MTF2: variants seen among roughly 807,000 people sequenced by gnomAD.
MTF2 encodes the protein metal-response element-binding transcription factor 2.
In MTF2, 11 loss-of-function variants were observed where a neutral mutation model predicts 79.5. The ratio of observed to expected loss-of-function variants is 0.14; its 90% CI spans 0.09 to 0.23. MTF2 has a LOEUF of 0.23. Ranked by LOEUF, MTF2 falls within the 10% of genes least tolerant of loss-of-function variation. The pLI, the probability that MTF2 is intolerant of heterozygous loss-of-function variation, is 1.00. For synonymous variants in MTF2, 208 were observed against 232.8 expected (o/e 0.89, Z 0.97); for missense variants, 486 against 711.2 (o/e 0.68, Z 3.60).
chr1:93,133,928 G>A lies in MTF2; in HGVS notation c.1267G>A (p.Asp423Asn), dbSNP rs554881537. 6.4e-7 allele frequency: 1 copy of A among 1,572,138 alleles called. No individual in the cohort carries two copies. Among genetic ancestry groups the A allele is most frequent in the South Asian group, 1.1e-5 (1 of 88,108 alleles). Residue 423 changes from aspartate to asparagine, a missense_variant and splice_region_variant, in exon 13 of 15, where the codon GAT (aspartate) becomes AAT (asparagine). By Grantham distance (23) the Asp-to-Asn change is conservative. This residue lies in a region of MTF2 where 209 missense variants were observed against 206.5 expected (regional missense o/e 1.01). Transcript: ENST00000370298. ...MIQKTAEPLLDKESISENPTL... is the reference protein window; with the variant it reads ...MIQKTAEPLLNKESISENPTL... ...TTAAGTATATATTTTTATTTTCCAG[G>A]ATAAGGAATCAATTTCAGAGAATCC... is the stretch of plus-strand genomic sequence containing the variant.
At chr1:93,123,582 C>T (rs908717488) in intron 9 of MTF2, among the ~76,000 whole-genome samples, 2 of 151,888 alleles carry the variant, frequency 1.3e-5, no homozygotes, top group Non-Finnish European at 2.9e-5. Flanking sequence ...TATTGCACAA[C>T]TAGGCAGTTA....
intron 1 of MTF2, among the ~76,000 whole-genome samples, chr1:93,097,653 A>G (rs1655351561): frequency 1.3e-5 from 2 of 152,066 alleles, no homozygotes; most frequent in South Asian, 4.2e-4. Flanking sequence ...GCAGGAGTGT[A>G]GCGGTGCGAT....
At chr1:93,130,306 A>G (rs953025532) in intron 11 of MTF2, among the ~76,000 whole-genome samples, 2 of 152,196 alleles carry the variant, frequency 1.3e-5, no homozygotes, top group African/African-American at 4.8e-5. Flanking sequence ...GGCCGGGTGC[A>G]CTGGCTCACA....
chr1:93,116,239 T>G (rs1401286594), intron 6 of MTF2, among the ~76,000 whole-genome samples: 2 of 151,478 alleles, frequency 1.3e-5, no homozygotes, highest in African/African-American at 4.8e-5. Context: ...AAAAAGTATT[T>G]TTTTTTTTGT....
rs1310836474 is a variant in MTF2, at chr1:93,135,545, A to AT, written c.1425-1119dup. ...ATTGTCTTATTTAATTCTTAAAACAATTTTTTGGCTGGGTGTGGTGGCTTA... is the reference window on the plus strand; with the variant it reads ...ATTGTCTTATTTAATTCTTAAAACAATTTTTTTGGCTGGGTGTGGTGGCTTA... On this transcript the variant is annotated intron_variant, in intron 14 of 14. Coordinates refer to ENST00000370298, the MANE Select transcript of MTF2 (RefSeq NM_007358.4). 2.0e-5 allele frequency among the ~76,000 whole-genome samples: 3 copies of AT among 152,194 alleles called. No homozygotes were observed. In the South Asian group the frequency reaches 6.2e-4, roughly 32 times the overall value.
chr1:93,103,783 A>G (rs902455904), intron 1 of MTF2, among the ~76,000 whole-genome samples: 3 of 152,242 alleles, frequency 2.0e-5, no homozygotes, highest in Non-Finnish European at 2.9e-5. Flanking sequence ...GGGAAACTGC[A>G]TAGAGGAAAA....
intron 1 of MTF2, among the ~76,000 whole-genome samples, chr1:93,091,547 A>G (rs933696563): frequency 6.6e-6 from 1 of 152,176 alleles, no homozygotes; most frequent in African/African-American, 2.4e-5. Flanking sequence ...AGAGATTCCT[A>G]TACTTACCTT....
Position 93,129,289 on chromosome 1 carries a change from G to A in MTF2, c.1001G>A (p.Gly334Glu). ...TTTTAAAAATTTAGGTTTATGTCTG[G>A]GAAAGAAATAAAGAAGAAGAAGCAT... is the stretch of plus-strand genomic sequence containing the variant. ...LNDYKTMFMSGKEIKKKKHLF... is the reference protein window; with the variant it reads ...LNDYKTMFMSEKEIKKKKHLF... The change falls in exon 11 of 15, where the codon GGG becomes GAG. Residue 334 changes from glycine (G) to glutamate (E), a missense_variant. Physicochemically the swap from Gly to Glu is moderately conservative, Grantham distance 98. This residue lies in a region of MTF2 where 177 missense variants were observed against 364.0 expected (regional missense o/e 0.49). Coordinates refer to ENST00000370298, the MANE Select transcript of MTF2 (RefSeq NM_007358.4). 1.9e-6 allele frequency: 3 copies of A among 1,561,394 alleles called. No individual in the cohort carries two copies. Among genetic ancestry groups the A allele is most frequent in the East Asian group, 2.3e-5 (1 of 44,184 alleles).
At chr1:93,080,169 A>G (rs550752317) in intron 1 of MTF2, among the ~76,000 whole-genome samples, 1 of 152,308 alleles carries the variant, frequency 6.6e-6, no homozygotes, top group Admixed American at 6.5e-5. Flanking sequence ...TTTGGAGCTC[A>G]CCAAAAATAT....
chr1:93,121,580 T>G, intron 9 of MTF2: 5 of 978,618 alleles, frequency 5.1e-6, no homozygotes, highest in Non-Finnish European at 6.1e-6. Context: ...TTTTTGGGGG[T>G]TTATGGGATA....
chr1:93,116,170 G>C (rs545152309), intron 6 of MTF2, among the ~76,000 whole-genome samples: 25 of 152,056 alleles, frequency 1.6e-4, no homozygotes, highest in Non-Finnish European at 3.4e-4. Flanking sequence ...TTATCCTCCT[G>C]TCTCAGCCTC....
At chr1:93,079,612 A>C in intron 1 of MTF2, 81 bp downstream of exon 1, 5 of 1,564,516 alleles carry the variant, frequency 3.2e-6, no homozygotes, top group Middle Eastern at 1.7e-4. Context: ...AGCAAGTATA[A>C]AAGGGAAAGA....
chr1:93,120,321 A>T, intron 8 of MTF2: 2 of 252,890 alleles, frequency 7.9e-6, no homozygotes, highest in Non-Finnish European at 7.3e-6. Flanking sequence ...AAAAAAAAAA[A>T]GAAGTAATTC....
At chr1:93,121,808 T>A (rs1656493830) in intron 9 of MTF2, 1 of 590,714 alleles carries the variant, frequency 1.7e-6, no homozygotes, top group Non-Finnish European at 2.0e-6. Flanking sequence ...TTTTTTTTTT[T>A]TTTTTTTTTT....
At chr1:93,103,086 C>T (rs978583901) in intron 1 of MTF2, among the ~76,000 whole-genome samples, 5 of 150,442 alleles carry the variant, frequency 3.3e-5, no homozygotes, top group African/African-American at 1.2e-4. Flanking sequence ...GAGCCAAGAT[C>T]GCACCACTGC....
intron 1 of MTF2, among the ~76,000 whole-genome samples, chr1:93,085,824 C>T (rs1256052107): frequency 6.6e-6 from 1 of 152,180 alleles, no homozygotes; most frequent in Non-Finnish European, 1.5e-5. Context: ...CTATGGGTCA[C>T]ACTGCAGAAC....
intron 9 of MTF2, chr1:93,121,623 A>G: frequency 1.0e-6 from 1 of 976,454 alleles, no homozygotes; most frequent in Non-Finnish European, 1.2e-6. Context: ...TTTAGTTTGT[A>G]GTTTTAAAAT....
chr1:93,101,345 A>G (rs1456039351), intron 1 of MTF2, among the ~76,000 whole-genome samples: 1 of 149,236 alleles, frequency 6.7e-6, no homozygotes, highest in Non-Finnish European at 1.5e-5. Context: ...AAATACATGT[A>G]ACAAAATTTA....
chr1:93,114,179 A>G (rs931779232), intron 3 of MTF2, among the ~76,000 whole-genome samples: 1 of 152,252 alleles, frequency 6.6e-6, no homozygotes, highest in African/African-American at 2.4e-5. Flanking sequence ...ATTGGTGTTC[A>G]ACCTGTTTAA....
Sources: gnomAD v4.1 joint callset for allele counts (sites outside exome capture counted in the v4.1 genomes callset) on GRCh38, gnomAD v4.1.1 for gene constraint, gnomAD v4.1.1 regional missense constraint, MANE v1.5 for transcripts, NCBI Gene and HGNC (gene_info 2026-07-23, HGNC 2026-07-21) for gene names.